Variants in NEDD9 observed in about 807,000 individuals in gnomAD.
NEDD9 encodes neural precursor cell expressed, developmentally down-regulated 9.
Under a neutral mutation model 76.6 loss-of-function variants are expected in NEDD9, and 26 were observed. The observed-to-expected ratio is 0.34, with a 90% CI of 0.25 to 0.47. NEDD9 has a LOEUF of 0.47. NEDD9 is among the 20% of genes least tolerant of loss of function. The probability of loss-of-function intolerance (pLI) is 1.00; values close to 1 mark genes in which losing one functional copy is unlikely to be tolerated. For missense variants in NEDD9, 937 were observed against 1,058.5 expected, an observed-to-expected ratio of 0.89 and a Z score of 1.59; for synonymous variants, 392 against 414.2, an observed-to-expected ratio of 0.95 and a Z score of 0.65.
chr6:11,246,869 C>T (rs1298480555), intron 3 of NEDD9, among the ~76,000 whole-genome samples: 1 of 152,158 alleles, frequency 6.6e-6, no homozygotes, highest in African/African-American at 2.4e-5. Flanking sequence ...AGTTACGTGA[C>T]TTAGGATGCA....
intron 1 of NEDD9, chr6:11,352,271 A>G (rs1403767721): frequency 1.3e-5 from 2 of 150,896 alleles, no homozygotes; most frequent in Non-Finnish European, 3.0e-5. Flanking sequence ...TAGATGGAGC[A>G]TACAGATCTT....
intron 3 of NEDD9, among the ~76,000 whole-genome samples, chr6:11,301,248 C>A (rs993102840): frequency 6.6e-6 from 1 of 152,094 alleles, no homozygotes; most frequent in African/African-American, 2.4e-5. Flanking sequence ...TTTAAACCAA[C>A]AAAGATCAAA....
intron 1 of NEDD9, among the ~76,000 whole-genome samples, chr6:11,343,889 A>C (rs954684482): frequency 6.6e-6 from 1 of 152,210 alleles, no homozygotes; most frequent in Non-Finnish European, 1.5e-5. Context: ...AGCAGTTGGC[A>C]TGCTATGTGA....
At chr6:11,283,589 T>C (rs972430549) in intron 3 of NEDD9, among the ~76,000 whole-genome samples, 2 of 152,184 alleles carry the variant, frequency 1.3e-5, no homozygotes, top group African/African-American at 2.4e-5. Flanking sequence ...CCCAGTGCCA[T>C]GGCTTTAATG....
chr6:11,269,276 C>T (rs995557502), intron 3 of NEDD9, among the ~76,000 whole-genome samples: 4 of 152,194 alleles, frequency 2.6e-5, no homozygotes, highest in Non-Finnish European at 4.4e-5. Flanking sequence ...TAGGGAGCTG[C>T]AGAGAATTTG....
chr6:11,279,698 C>A (rs781442165), intron 3 of NEDD9, among the ~76,000 whole-genome samples: 1 of 152,108 alleles, frequency 6.6e-6, no homozygotes, highest in Non-Finnish European at 1.5e-5. Context: ...CTCAGGGCTC[C>A]CCCTTGCATT....
chr6:11,191,994 G>A (rs1441385641), intron 4 of NEDD9, among the ~76,000 whole-genome samples: 1 of 152,146 alleles, frequency 6.6e-6, no homozygotes, highest in Non-Finnish European at 1.5e-5. Context: ...GACAGAGCGA[G>A]ACCCTGTCTC....
chr6:11,380,798 GTCTTCTTCTTCT>G (rs148561911), intron 1 of NEDD9, among the ~76,000 whole-genome samples: 5 of 150,576 alleles, frequency 3.3e-5, no homozygotes, highest in East Asian at 3.9e-4. Context: ...CCTAGTCATC[GTCTTCTTCTTCT>G]TCTTCTTCTT....
chr6:11,356,749 C>T (rs73366831), intron 1 of NEDD9, among the ~76,000 whole-genome samples: 2,130 of 147,392 alleles, frequency 0.014, 48 homozygotes, highest in African/African-American at 0.05. Flanking sequence ...CTTTCCCCTC[C>T]CCCTGGTATA....
At chr6:11,350,990 T>C (rs181147548) in intron 1 of NEDD9, among the ~76,000 whole-genome samples, 46 of 152,294 alleles carry the variant, frequency 3.0e-4, no homozygotes, top group African/African-American at 1.1e-3. Flanking sequence ...GTTTTATATA[T>C]ACATTGTGGA....
rs1027194929 is a variant in NEDD9, at chr6:11,191,114, C to G, written c.755G>C (p.Arg252Thr). Residue 252 changes from arginine to threonine, a missense_variant, in exon 5 of 7, where the codon AGG becomes ACG. Coordinates refer to ENST00000379446, the MANE Select transcript of NEDD9 (RefSeq NM_006403.4). ...DFPPPMRQAG[R>T]PDLRPEGVYD... ...AACCCCCTCCGGTCTGAGGTCCGGC[C>G]TTCCAGCTTGTCTCATGGGAGGGGG... The G allele has an allele frequency of 1.2e-6, 2 of 1,613,986 alleles. No homozygotes were observed. The highest frequency in any genetic ancestry group is 1.1e-5 in the South Asian group (1 of 91,076).
intron 3 of NEDD9, among the ~76,000 whole-genome samples, chr6:11,259,694 T>G (rs188728281): frequency 6.6e-6 from 1 of 152,302 alleles, no homozygotes; most frequent in East Asian, 1.9e-4. Flanking sequence ...TCACTTCCCT[T>G]GGAGTTAGAG....
At chr6:11,339,728 CT>C (rs1002211759) in intron 1 of NEDD9, among the ~76,000 whole-genome samples, 1 of 152,232 alleles carries the variant, frequency 6.6e-6, no homozygotes, top group African/African-American at 2.4e-5. Context: ...CCATTATTCA[CT>C]TTCTCAATTC....
chr6:11,197,085 T>A (rs1758311712), intron 2 of NEDD9, among the ~76,000 whole-genome samples: 1 of 152,166 alleles, frequency 6.6e-6, no homozygotes, highest in Non-Finnish European at 1.5e-5. Flanking sequence ...GAATTTCAGC[T>A]GAAGACGCAC....
chr6:11,247,154 G>A (rs6908326), intron 3 of NEDD9, among the ~76,000 whole-genome samples: 49,612 of 152,022 alleles, frequency 0.33, 9,943 homozygotes, highest in East Asian at 0.59. Flanking sequence ...CCCTCCTTCT[G>A]AATTCCTCTT....
At chr6:11,217,637 A>G (rs1758995459) in intron 1 of NEDD9, among the ~76,000 whole-genome samples, 1 of 152,250 alleles carries the variant, frequency 6.6e-6, no homozygotes, top group Non-Finnish European at 1.5e-5. Flanking sequence ...TACAAAAGAA[A>G]AAAATGAGCC....
In NEDD9 at chr6:11,332,658, C is replaced by T. The variant is rs1488259336; in HGVS notation, c.-153+1843G>A. Among the ~76,000 whole-genome samples the T allele has an allele frequency of 5.3e-5, 8 of 152,290 alleles. No individual in the cohort carries two copies. In the East Asian group the frequency reaches 1.5e-3, roughly 29 times the overall value. On this transcript the variant is annotated intron_variant, in intron 2 of 3. Coordinates refer to the NEDD9 transcript ENST00000397378. ...CACACGTCGTGTTCTATTTAAGTGA[C>T]CTCCCAACTAACCTGTGAGATTCCA...
At chr6:11,270,171 T>C (rs554222900) in intron 3 of NEDD9, among the ~76,000 whole-genome samples, 9 of 152,216 alleles carry the variant, frequency 5.9e-5, no homozygotes, top group African/African-American at 2.2e-4. Context: ...TAAACAAAGA[T>C]AAAACACTCT....
chr6:11,318,845 C>T (rs1218304432), intron 2 of NEDD9, among the ~76,000 whole-genome samples: 1 of 152,106 alleles, frequency 6.6e-6, no homozygotes, highest in East Asian at 1.9e-4. Context: ...AATTGTTTTA[C>T]TCTAAAAGAG....
Sources: allele counts gnomAD v4.1 joint callset (sites outside exome capture counted in the v4.1 genomes callset), GRCh38; gene constraint gnomAD v4.1.1; transcripts MANE v1.5; gene names NCBI Gene and HGNC (gene_info 2026-07-23, HGNC 2026-07-21).